The following NEGR1 variants were observed in gnomAD, a reference collection of about 807,000 sequenced individuals.
NEGR1 encodes the protein IgLON family member 4.
Under a neutral mutation model 40.9 loss-of-function variants are expected in NEGR1, and 10 were observed. The observed-to-expected ratio is 0.24, with a 90% confidence interval of 0.15 to 0.42. The LOEUF is 0.42. Among genes scored for constraint, NEGR1 ranks in the 10% least tolerant of loss-of-function variants. NEGR1 has a pLI of 1.00. For missense variants in NEGR1, 352 were observed against 438.9 expected (o/e 0.80, Z 1.77); for synonymous variants, 185 against 166.8 (o/e 1.11, Z -0.84).
chr1:71,780,280 C>G (rs1340445653), intron 2 of NEGR1, among the ~76,000 whole-genome samples: 1 of 152,106 alleles, frequency 6.6e-6, no homozygotes, highest in African/African-American at 2.4e-5. Flanking sequence ...ACTTTAAGTA[C>G]TTATGACCTA....
At chr1:71,846,275 T>C (rs973077523) in intron 2 of NEGR1, among the ~76,000 whole-genome samples, 3 of 152,212 alleles carry the variant, frequency 2.0e-5, no homozygotes, top group African/African-American at 7.2e-5. Context: ...TAATACCAAG[T>C]ACCTAGGAGT....
intron 6 of NEGR1, among the ~76,000 whole-genome samples, chr1:71,545,895 C>T (rs1347161405): frequency 6.6e-6 from 1 of 151,590 alleles, no homozygotes; most frequent in Non-Finnish European, 1.5e-5. Context: ...GCACCATTTG[C>T]TACTTTCCTC....
intron 2 of NEGR1, among the ~76,000 whole-genome samples, chr1:71,910,617 T>C (rs969889391): frequency 2.0e-5 from 3 of 152,136 alleles, no homozygotes; most frequent in African/African-American, 7.2e-5. Context: ...CAAAGTTACA[T>C]TTGTTTATCT....
At position 71,592,771 on chromosome 1, in the gene NEGR1, G is replaced by A. The variant is rs201605777; in HGVS notation, c.940+46C>T. 4 of 1,518,954 alleles carry A rather than the reference G, an allele frequency of 2.6e-6. No homozygotes were observed. In the East Asian group the frequency reaches 6.8e-5, roughly 26 times the overall value. The allele number at this position is 1,518,954 out of a possible 1,614,324, so 94.1% of individuals were successfully genotyped here. ...GGTTTTATCTCTACAGATGGATAGG[G>A]GCCCAGAGGCCCCTGGAAGCATTTT... On this transcript the variant is annotated intron_variant, in intron 6 of 6. Transcript: ENST00000357731.
chr1:72,275,492 A>T (rs1177820329), intron 1 of NEGR1, among the ~76,000 whole-genome samples: 1 of 152,054 alleles, frequency 6.6e-6, no homozygotes, highest in East Asian at 1.9e-4. Flanking sequence ...AAAAACAATA[A>T]ATTTTATTTT....
chr1:71,520,886 T>A (rs752640923), intron 6 of NEGR1, among the ~76,000 whole-genome samples: 1 of 152,052 alleles, frequency 6.6e-6, no homozygotes, highest in Non-Finnish European at 1.5e-5. Flanking sequence ...TGCCACCAAA[T>A]GCCTTCTGTC....
intron 5 of NEGR1, among the ~76,000 whole-genome samples, chr1:71,601,737 T>C (rs1649924878): frequency 6.6e-6 from 1 of 152,126 alleles, no homozygotes; most frequent in African/African-American, 2.4e-5. Context: ...TTCTCACTTA[T>C]AAGTGGGAGT....
chr1:72,191,968 A>G (rs1652834948), intron 1 of NEGR1, among the ~76,000 whole-genome samples: 1 of 151,908 alleles, frequency 6.6e-6, no homozygotes, highest in Non-Finnish European at 1.5e-5. Flanking sequence ...GAAGATCTCT[A>G]CTTATCACTG....
At chr1:72,218,491 T>C (rs1281083857) in intron 1 of NEGR1, among the ~76,000 whole-genome samples, 2 of 152,066 alleles carry the variant, frequency 1.3e-5, no homozygotes, top group South Asian at 2.1e-4. Context: ...CGTACTATTT[T>C]ATGGTAAATA....
chr1:71,705,784 A>C (rs2101637046), intron 3 of NEGR1, among the ~76,000 whole-genome samples: 1 of 151,824 alleles, frequency 6.6e-6, no homozygotes, highest in African/African-American at 2.4e-5. Context: ...AGCAAAGGAA[A>C]GAAAGGAAAA....
chr1:72,099,803 A>G (rs1298448708), intron 1 of NEGR1, among the ~76,000 whole-genome samples: 1 of 151,874 alleles, frequency 6.6e-6, no homozygotes, highest in Non-Finnish European at 1.5e-5. Context: ...TCATCTGCAA[A>G]TGGTACATAA....
intron 6 of NEGR1, chr1:71,477,414 T>C (rs1646828298): frequency 6.6e-6 from 1 of 152,076 alleles, no homozygotes; most frequent in African/African-American, 2.4e-5. Flanking sequence ...TTGGTGACAT[T>C]GCATTAATTG....
chr1:72,168,149 G>A (rs1651834093), intron 1 of NEGR1, among the ~76,000 whole-genome samples: 1 of 151,886 alleles, frequency 6.6e-6, no homozygotes, highest in Non-Finnish European at 1.5e-5. Flanking sequence ...AAGTTGCTGG[G>A]ACTACAGGCA....
intron 1 of NEGR1, among the ~76,000 whole-genome samples, chr1:71,991,929 C>T (rs1399016407): frequency 6.6e-6 from 1 of 152,050 alleles, no homozygotes; most frequent in African/African-American, 2.4e-5. Flanking sequence ...ATAGCTGGGA[C>T]TGCAGGTGCA....
At chr1:72,212,188 A>C (rs1653633249) in intron 1 of NEGR1, among the ~76,000 whole-genome samples, 1 of 151,966 alleles carries the variant, frequency 6.6e-6, no homozygotes, top group Admixed American at 6.6e-5. Context: ...TTTTGCAGAA[A>C]AACAAGATAA....
intron 1 of NEGR1, among the ~76,000 whole-genome samples, chr1:72,117,638 T>C (rs969756347): frequency 6.6e-6 from 1 of 151,804 alleles, no homozygotes; most frequent in Non-Finnish European, 1.5e-5. Context: ...GGCCCTAGCA[T>C]TGCTAATATT....
intron 1 of NEGR1, among the ~76,000 whole-genome samples, chr1:72,075,342 C>T (rs1647678812): frequency 6.6e-6 from 1 of 152,128 alleles, no homozygotes; most frequent in African/African-American, 2.4e-5. Context: ...ACAGGCAAGT[C>T]AGTCTAGTGA....
chr1:72,185,715 A>C (rs946317019), intron 1 of NEGR1, among the ~76,000 whole-genome samples: 4 of 151,900 alleles, frequency 2.6e-5, no homozygotes, highest in African/African-American at 9.7e-5. Flanking sequence ...TGAGTTGAAA[A>C]GCAGTGTCTT....
intron 3 of NEGR1, among the ~76,000 whole-genome samples, chr1:71,741,191 C>T (rs1655201376): frequency 1.3e-5 from 2 of 152,068 alleles, no homozygotes; most frequent in Non-Finnish European, 2.9e-5. Context: ...CCATTTGGTC[C>T]CTCTTGAGCT....
Sources: allele counts gnomAD v4.1 joint callset (sites outside exome capture counted in the v4.1 genomes callset), GRCh38; gene constraint gnomAD v4.1.1; transcripts MANE v1.5; gene names NCBI Gene and HGNC (gene_info 2026-07-23, HGNC 2026-07-21).